The following NUSAP1 variants were observed in gnomAD, a reference collection of about 807,000 sequenced individuals.
The protein encoded by NUSAP1 is nucleolar and spindle associated protein 1, also known as nucleolar and spindle-associated protein 1.
NUSAP1 carries 32 observed loss-of-function variants against 52.8 expected under a neutral mutation model. That is an observed-to-expected ratio of 0.61 (90% confidence interval 0.46 to 0.81). The LOEUF (loss-of-function observed/expected upper bound fraction) is 0.81. Ranked by LOEUF, NUSAP1 falls within the 40% of genes least tolerant of loss-of-function variation. The pLI, the probability that NUSAP1 is intolerant of heterozygous loss-of-function variation, is 0.00. For missense variants in NUSAP1, 499 were observed against 522.3 expected (o/e 0.96, Z 0.43); for synonymous variants, 195 against 183.1 (o/e 1.06, Z -0.52).
intron 8 of NUSAP1, among the ~76,000 whole-genome samples, chr15:41,373,036 G>A (rs934555248): frequency 1.3e-5 from 2 of 151,850 alleles, no homozygotes; most frequent in Non-Finnish European, 2.9e-5. Context: ...GCAGTGAGCC[G>A]AGATTGTGCC....
chr15:41,336,274 T>A (rs1242749608), intron 1 of NUSAP1, among the ~76,000 whole-genome samples: 1 of 149,526 alleles, frequency 6.7e-6, no homozygotes, highest in Non-Finnish European at 1.5e-5. Flanking sequence ...CTAAAAATAA[T>A]AATAATAATA....
At chr15:41,335,050 C>T (rs2048067589) in intron 1 of NUSAP1, among the ~76,000 whole-genome samples, 1 of 151,736 alleles carries the variant, frequency 6.6e-6, no homozygotes, top group Admixed American at 6.6e-5. Context: ...TGAAATTTTC[C>T]ATAATAAGAT....
chr15:41,375,941 C>T, intron 9 of NUSAP1, 113 bp downstream of exon 9: 2 of 671,582 alleles, frequency 3.0e-6, no homozygotes, highest in Non-Finnish European at 5.3e-6. Context: ...TGGCAGGCAC[C>T]TGTAATCCCA....
At chr15:41,374,903 G>A (rs1334599977) in intron 8 of NUSAP1, among the ~76,000 whole-genome samples, 1 of 151,440 alleles carries the variant, frequency 6.6e-6, no homozygotes, top group Non-Finnish European at 1.5e-5. Flanking sequence ...GTGCAATGGC[G>A]CAATCTTGGC....
At chr15:41,348,718 C>T (rs1196985899) in intron 2 of NUSAP1, among the ~76,000 whole-genome samples, 1 of 152,176 alleles carries the variant, frequency 6.6e-6, no homozygotes, top group East Asian at 1.9e-4. Context: ...TGGCTCACTG[C>T]AACCTCCCCT....
chr15:41,367,983 G>T (rs1381080163), intron 7 of NUSAP1, among the ~76,000 whole-genome samples: 1 of 152,178 alleles, frequency 6.6e-6, no homozygotes, highest in African/African-American at 2.4e-5. Context: ...AGCTACTCAG[G>T]AGGCTGAGGC....
chr15:41,372,801 G>A (rs943964545), intron 8 of NUSAP1, among the ~76,000 whole-genome samples: 3 of 151,994 alleles, frequency 2.0e-5, no homozygotes, highest in African/African-American at 7.2e-5. Context: ...TGAAAAGAAA[G>A]GATTGGCCGG....
At position 41,333,064 on chromosome 15, in the gene NUSAP1, G is replaced by T. The variant is rs576900630; in HGVS notation, c.93+14G>T. ...GCCAACCTGAGGGTACGGCGCTGGC[G>T]GTGCGGGTCCCTGGGCGGGCGCGGC... On this transcript the variant is annotated intron_variant, in intron 1 of 10. Transcript: ENST00000559596. 6.2e-7 allele frequency: 1 copy of T among 1,600,158 alleles called. No individual in the cohort carries two copies. The highest frequency in any genetic ancestry group is 8.5e-7 in the Non-Finnish European group (1 of 1,172,186).
At chr15:41,371,811 C>A in intron 8 of NUSAP1, 127 bp downstream of exon 8, 17 of 1,106,526 alleles carry the variant, frequency 1.5e-5, no homozygotes, top group Non-Finnish European at 2.1e-5. Flanking sequence ...GCTTTTGTCA[C>A]CCAGGCTAGA....
intron 4 of NUSAP1, among the ~76,000 whole-genome samples, chr15:41,352,772 G>A (rs2048825186): frequency 6.6e-6 from 1 of 151,996 alleles, no homozygotes; most frequent in South Asian, 2.1e-4. Context: ...GCCCAGGCTG[G>A]TCTCAAACTG....
At chr15:41,352,962 C>A (rs2048832462) in intron 4 of NUSAP1, among the ~76,000 whole-genome samples, 1 of 152,236 alleles carries the variant, frequency 6.6e-6, no homozygotes, top group Admixed American at 6.5e-5. Context: ...TCCCAAAGAG[C>A]AATGCTGTTG....
intron 1 of NUSAP1, among the ~76,000 whole-genome samples, chr15:41,340,148 C>CCT (rs1567040263): frequency 6.6e-6 from 1 of 152,112 alleles, no homozygotes; most frequent in Non-Finnish European, 1.5e-5. Context: ...ATCTCCCTGC[C>CCT]CTCCATATAC....
rs772529323 is a variant in NUSAP1 at position 41,350,984 on chromosome 15, G to A, written c.307-4G>A. 2 of 1,590,742 alleles carry A rather than the reference G, an allele frequency of 1.3e-6. No individual in the cohort carries two copies. The highest frequency in any genetic ancestry group is 1.7e-6 in the Non-Finnish European group (2 of 1,170,556). ...AATCTTTTATTTCCTTTTTAAATTT[G>A]TAGCAGAATCATTCAGAGATAAAAA... On this transcript the variant is annotated splice_polypyrimidine_tract_variant and splice_region_variant and intron_variant, in intron 3 of 10. Coordinates refer to ENST00000559596, the MANE Select transcript of NUSAP1 (RefSeq NM_016359.5).
At chr15:41,342,558 C>A in intron 2 of NUSAP1, 104 bp downstream of exon 2, 1 of 907,684 alleles carries the variant, frequency 1.1e-6, no homozygotes, top group Non-Finnish European at 1.7e-6. Flanking sequence ...ATGCTGTTGG[C>A]CAGGTGTTGT....
At chr15:41,351,434 C>T (rs150039886) in intron 4 of NUSAP1, among the ~76,000 whole-genome samples, 66 of 152,264 alleles carry the variant, frequency 4.3e-4, no homozygotes, top group African/African-American at 1.5e-3. Context: ...GCTCTGACAG[C>T]GCATGACATT....
At chr15:41,363,242 C>T (rs948986128) in intron 6 of NUSAP1, among the ~76,000 whole-genome samples, 31 of 148,546 alleles carry the variant, frequency 2.1e-4, no homozygotes, top group African/African-American at 7.0e-4. Flanking sequence ...GCCAATATCA[C>T]GCCATTGCAC....
chr15:41,373,627 T>A (rs148203911), intron 8 of NUSAP1, among the ~76,000 whole-genome samples: 76 of 151,466 alleles, frequency 5.0e-4, no homozygotes, highest in African/African-American at 1.7e-3. Flanking sequence ...TTTTTGTATT[T>A]TTGGTAGAGA....
intron 8 of NUSAP1, among the ~76,000 whole-genome samples, chr15:41,375,164 C>T (rs1019694214): frequency 2.5e-4 from 37 of 148,230 alleles, no homozygotes; most frequent in African/African-American, 8.3e-4. Flanking sequence ...TGCACCACCA[C>T]GCCCAGCTAA....
chr15:41,359,117 T>G (rs1190356875), intron 6 of NUSAP1, among the ~76,000 whole-genome samples: 2 of 152,182 alleles, frequency 1.3e-5, no homozygotes, highest in Non-Finnish European at 2.9e-5. Context: ...AGGAAACACA[T>G]TTTTAAATAT....
Sources: gnomAD v4.1 joint callset for allele counts (sites outside exome capture counted in the v4.1 genomes callset) on GRCh38, gnomAD v4.1.1 for gene constraint, MANE v1.5 for transcripts, NCBI Gene and HGNC (gene_info 2026-07-23, HGNC 2026-07-21) for gene names.